The following GLDC variants were observed in gnomAD, a reference collection of about 807,000 sequenced individuals.
GLDC encodes the protein glycine dehydrogenase (decarboxylating), mitochondrial.
Under a neutral mutation model 121.3 loss-of-function variants are expected in GLDC, and 104 were observed. That is an observed-to-expected ratio of 0.86 (90% CI 0.73 to 1.01). The LOEUF is 1.01. Among genes scored for constraint, GLDC ranks in the 50% least tolerant of loss-of-function variants. The probability of loss-of-function intolerance (pLI) is 0.00; values close to 1 mark genes in which losing one functional copy is unlikely to be tolerated. For synonymous variants in GLDC, 546 were observed against 480.6 expected, an observed-to-expected ratio of 1.14 and a Z score of -1.78; for missense variants, 1,429 against 1,306.6, an observed-to-expected ratio of 1.09 and a Z score of -1.44.
chr9:6,583,712 C>G (rs1818213820), intron 15 of GLDC, among the ~76,000 whole-genome samples: 1 of 152,100 alleles, frequency 6.6e-6, no homozygotes, highest in Admixed American at 6.6e-5. Context: ...TGACACATGC[C>G]ACAACATTGA....
chr9:6,550,897 A>T lies in GLDC; in HGVS notation c.2475T>A (p.Gly825=), dbSNP rs1587920332. The T allele has an allele frequency of 6.2e-7, 1 of 1,610,232 alleles. No homozygotes were observed. Among genetic ancestry groups the T allele is most frequent in the Non-Finnish European group, 8.5e-7 (1 of 1,176,680 alleles). The change falls in exon 21 of 25, where the codon GGT becomes GGA. Residue 825 remains glycine (G), a synonymous_variant. Coordinates refer to ENST00000321612, the MANE Select transcript of GLDC (RefSeq NM_000170.3). ...WAYIKMMGGK[G]LKQATETAIL... is the part of the protein sequence containing the mutation. ...TCGCAGTTTCCGTGGCTTGTTTAAG[A>T]CCCTTGCCTCCCATCATCTGCAACA...
intron 20 of GLDC, among the ~76,000 whole-genome samples, 172 bp downstream of exon 20, chr9:6,553,196 C>A (rs1320954298): frequency 2.0e-5 from 3 of 152,168 alleles, no homozygotes; most frequent in African/African-American, 7.2e-5. Context: ...TGATTTTTAG[C>A]TCATCTCTTC....
At chr9:6,645,129 G>C (rs1819714902) in intron 1 of GLDC, 116 bp downstream of exon 1, 2 of 1,076,226 alleles carry the variant, frequency 1.9e-6, no homozygotes, top group Admixed American at 3.0e-5. Flanking sequence ...CCGGGACCCA[G>C]GGTGCGGGGA....
intron 3 of GLDC, among the ~76,000 whole-genome samples, chr9:6,613,158 C>T (rs1818896185): frequency 6.6e-6 from 1 of 152,132 alleles, no homozygotes; most frequent in African/African-American, 2.4e-5. Flanking sequence ...GGGTCAGGAA[C>T]ACATTTACCA....
At chr9:6,583,068 T>C (rs1818202780) in intron 15 of GLDC, among the ~76,000 whole-genome samples, 1 of 152,004 alleles carries the variant, frequency 6.6e-6, no homozygotes, top group Non-Finnish European at 1.5e-5. Flanking sequence ...AAATAACAAA[T>C]GTTGGTGGGG....
At chr9:6,637,198 A>G (rs1167173296) in intron 2 of GLDC, among the ~76,000 whole-genome samples, 1 of 152,008 alleles carries the variant, frequency 6.6e-6, no homozygotes, top group African/African-American at 2.4e-5. Flanking sequence ...TGAGGTCAGG[A>G]GTTCGAAACC....
At chr9:6,629,958 T>TATATATGTATACATATATATATATATA in intron 2 of GLDC, among the ~76,000 whole-genome samples, 13 of 78,656 alleles carry the variant, frequency 1.7e-4, no homozygotes, top group East Asian at 7.5e-4. Context: ...TATATATATA[T>TATATATGTATACATATATATATATATA]TTTTTTTTTT....
At chr9:6,610,469 A>G (rs1398862061) in intron 3 of GLDC, 113 bp from the exon 4 acceptor site, 2 of 939,644 alleles carry the variant, frequency 2.1e-6, no homozygotes, top group African/African-American at 3.2e-5. Context: ...CTTGAGGAGA[A>G]TTACATAACA....
At position 6,605,213 on chromosome 9, in the gene GLDC, C is replaced by A; in HGVS notation, c.779G>T (p.Ser260Ile). ...CEMDFSGKDV[S>I]GVLFQYPDTE... ...GTCTGGGTACTGGAACAACACTCCACTGACATCTTTTCCACTGAAGTCCAT... is the reference window on the plus strand; with the variant it reads ...GTCTGGGTACTGGAACAACACTCCAATGACATCTTTTCCACTGAAGTCCAT... The change falls in exon 6 of 25, where the codon AGT (serine) becomes ATT (isoleucine). Residue 260 changes from serine to isoleucine, a missense_variant. Coordinates refer to ENST00000321612, the MANE Select transcript of GLDC (RefSeq NM_000170.3). The A allele has an allele frequency of 1.9e-6, 3 of 1,613,618 alleles. No homozygotes were observed. Among genetic ancestry groups the A allele is most frequent in the African/African-American group, 1.3e-5 (1 of 75,050 alleles).
chr9:6,595,929 T>C (rs971038139), intron 8 of GLDC, among the ~76,000 whole-genome samples: 6 of 152,000 alleles, frequency 3.9e-5, no homozygotes, highest in African/African-American at 1.5e-4. Flanking sequence ...CAATGCAAAA[T>C]AAGAAACAGT....
At chr9:6,578,575 T>C (rs1340282657) in intron 15 of GLDC, among the ~76,000 whole-genome samples, 1 of 151,972 alleles carries the variant, frequency 6.6e-6, no homozygotes, top group Non-Finnish European at 1.5e-5. Flanking sequence ...AGTCTCACTC[T>C]GTTGTCTAGG....
intron 15 of GLDC, among the ~76,000 whole-genome samples, chr9:6,571,798 T>A (rs1426627512): frequency 1.3e-5 from 2 of 152,156 alleles, no homozygotes; most frequent in Non-Finnish European, 2.9e-5. Context: ...AAACTGCAAA[T>A]AAGTGGGGAC....
chr9:6,621,845 C>A (rs1248765053), intron 2 of GLDC, among the ~76,000 whole-genome samples: 2 of 152,090 alleles, frequency 1.3e-5, no homozygotes, highest in Admixed American at 1.3e-4. Context: ...ATAGAAATGA[C>A]ATCATTTGGT....
intron 10 of GLDC, among the ~76,000 whole-genome samples, chr9:6,592,504 C>T (rs1818394454): frequency 1.3e-5 from 2 of 152,208 alleles, no homozygotes. Flanking sequence ...CTTCCCTTAA[C>T]CCACTTATCA....
At chr9:6,608,229 G>A (rs28833481) in intron 4 of GLDC, among the ~76,000 whole-genome samples, 3 of 146,452 alleles carry the variant, frequency 2.0e-5, no homozygotes, top group African/African-American at 7.8e-5. Context: ...CTGGCTAACA[G>A]GGTGAAACCC....
At position 6,617,817 on chromosome 9, in the gene GLDC, A is replaced by T. The variant is rs547610446; in HGVS notation, c.470+2367T>A. Among the ~76,000 whole-genome samples the T allele has an allele frequency of 2.9e-3, 445 of 152,372 alleles. 2 individuals are homozygous for T. Among genetic ancestry groups the T allele is most frequent in the African/African-American group, 0.01 (426 of 41,588 alleles). Reference sequence around the variant, plus strand: ...AAGCAGACAAAGATGCAAAGTGTTTATCAAATTGTTAACACTCATTGATTG... The same window carrying T: ...AAGCAGACAAAGATGCAAAGTGTTTTTCAAATTGTTAACACTCATTGATTG... On this transcript the variant is annotated intron_variant, in intron 3 of 24. Coordinates refer to ENST00000321612, the MANE Select transcript of GLDC (RefSeq NM_000170.3).
chr9:6,633,812 C>A (rs1321181826), intron 2 of GLDC, among the ~76,000 whole-genome samples: 4 of 137,332 alleles, frequency 2.9e-5, no homozygotes, highest in African/African-American at 1.1e-4. Flanking sequence ...GAGGCTGAGG[C>A]AGGAGAATCT....
chr9:6,596,734 G>T (rs1818500189), intron 8 of GLDC, among the ~76,000 whole-genome samples: 2 of 152,226 alleles, frequency 1.3e-5, no homozygotes. Flanking sequence ...CAAAGGATAG[G>T]AAGTAACAAG....
chr9:6,605,108 C>A (rs1391917872), intron 6 of GLDC, 23 bp downstream of exon 6: 2 of 1,608,934 alleles, frequency 1.2e-6, no homozygotes, highest in East Asian at 2.2e-5. Context: ...TCCACGGACC[C>A]CCCACAAGAA....
Sources: allele counts gnomAD v4.1 joint callset (sites outside exome capture counted in the v4.1 genomes callset), GRCh38; gene constraint gnomAD v4.1.1; transcripts MANE v1.5; gene names NCBI Gene and HGNC (gene_info 2026-07-23, HGNC 2026-07-21).